The following TBC1D1 variants were observed in gnomAD, a reference collection of about 807,000 sequenced individuals.
TBC1D1 encodes TBC1 domain family member 1.
Under a neutral mutation model 125.6 loss-of-function variants are expected in TBC1D1, and 89 were observed. The ratio of observed to expected loss-of-function variants is 0.71; its 90% confidence interval spans 0.60 to 0.85. TBC1D1 has a LOEUF of 0.85. TBC1D1 is among the 40% of genes least tolerant of loss of function. TBC1D1 has a pLI of 0.00. For missense variants in TBC1D1, 1,377 were observed against 1,469.2 expected, an observed-to-expected ratio of 0.94 and a Z score of 1.03; for synonymous variants, 565 against 564.1, an observed-to-expected ratio of 1.00 and a Z score of -0.02.
intron 12 of TBC1D1, among the ~76,000 whole-genome samples, chr4:38,056,656 A>G (rs1751764959): frequency 6.6e-6 from 1 of 152,036 alleles, no homozygotes. Flanking sequence ...AAAAAAATAA[A>G]AATTAGCTGA....
chr4:37,957,940 A>G (rs1729232352), intron 2 of TBC1D1, among the ~76,000 whole-genome samples: 1 of 152,214 alleles, frequency 6.6e-6, no homozygotes, highest in Non-Finnish European at 1.5e-5. Context: ...AAAATACCAG[A>G]TAAAATTATC....
chr4:38,033,336 A>C (rs753184392), intron 7 of TBC1D1, among the ~76,000 whole-genome samples: 7 of 152,112 alleles, frequency 4.6e-5, no homozygotes, highest in Non-Finnish European at 1.0e-4. Context: ...GTACCTGCTC[A>C]GAGGCCTCAT....
chr4:37,994,292 T>G (rs1008902806), intron 2 of TBC1D1, among the ~76,000 whole-genome samples: 13 of 152,308 alleles, frequency 8.5e-5, no homozygotes, highest in African/African-American at 3.1e-4. Context: ...CTTACTTTGT[T>G]TTTTTGTTTG....
intron 12 of TBC1D1, among the ~76,000 whole-genome samples, chr4:38,075,400 T>C (rs1755416353): frequency 1.3e-5 from 2 of 152,186 alleles, no homozygotes; most frequent in African/African-American, 2.4e-5. Flanking sequence ...ACTTCCCAAG[T>C]TGATTTCTTT....
chr4:38,051,258 C>T (rs1415825060), intron 11 of TBC1D1, among the ~76,000 whole-genome samples: 1 of 152,172 alleles, frequency 6.6e-6, no homozygotes, highest in Non-Finnish European at 1.5e-5. Flanking sequence ...GAGGAGATGC[C>T]TGTCTGTCTG....
At chr4:38,052,054 C>G in intron 11 of TBC1D1, 1 of 1,550,952 alleles carries the variant, frequency 6.4e-7, no homozygotes. Context: ...AATGCTGTGC[C>G]AAAGAGGTGA....
At chr4:37,920,265 T>C (rs1050618385) in intron 2 of TBC1D1, among the ~76,000 whole-genome samples, 1 of 152,130 alleles carries the variant, frequency 6.6e-6, no homozygotes, top group East Asian at 1.9e-4. Context: ...TGAAGGACAG[T>C]CATAGACAGG....
intron 12 of TBC1D1, among the ~76,000 whole-genome samples, chr4:38,087,505 A>T (rs1450452838): frequency 6.6e-6 from 1 of 152,160 alleles, no homozygotes. Context: ...TAGAAGAAGG[A>T]GTTTAGGTGA....
At chr4:38,111,792 A>G in intron 15 of TBC1D1, 1 of 287,890 alleles carries the variant, frequency 3.5e-6, no homozygotes, top group Non-Finnish European at 5.2e-6. Context: ...AAATAGGAAA[A>G]CAGTGTCTCC....
intron 12 of TBC1D1, among the ~76,000 whole-genome samples, chr4:38,061,375 A>T (rs1426733320): frequency 2.6e-5 from 4 of 152,236 alleles, no homozygotes; most frequent in Non-Finnish European, 5.9e-5. Flanking sequence ...TGTATTATGC[A>T]AAAGATAATC....
chr4:38,035,065 A>T (rs1450855521), intron 7 of TBC1D1, among the ~76,000 whole-genome samples: 1 of 151,028 alleles, frequency 6.6e-6, no homozygotes, highest in African/African-American at 2.4e-5. Context: ...CATAGAGAGA[A>T]TTTTTTTTTT....
intron 2 of TBC1D1, among the ~76,000 whole-genome samples, chr4:37,933,705 A>G (rs1723794298): frequency 6.6e-6 from 1 of 152,238 alleles, no homozygotes; most frequent in African/African-American, 2.4e-5. Flanking sequence ...AATGTTTAAC[A>G]GTGATTCAAC....
intron 18 of TBC1D1, among the ~76,000 whole-genome samples, chr4:38,127,124 C>T (rs1482240708): frequency 1.3e-5 from 2 of 151,916 alleles, no homozygotes; most frequent in Non-Finnish European, 2.9e-5. Flanking sequence ...CACCTTGCTC[C>T]TGTCCCTCAG....
chr4:38,048,456 T>C (rs1270473103), intron 10 of TBC1D1, among the ~76,000 whole-genome samples: 1 of 152,098 alleles, frequency 6.6e-6, no homozygotes, highest in African/African-American at 2.4e-5. Context: ...ATGAAAGTAA[T>C]CAATATTTCA....
At chr4:37,988,679 C>G (rs932274395) in intron 2 of TBC1D1, among the ~76,000 whole-genome samples, 1 of 152,090 alleles carries the variant, frequency 6.6e-6, no homozygotes, top group Non-Finnish European at 1.5e-5. Flanking sequence ...TTTCCCAAAG[C>G]CACAGCTAAG....
intron 10 of TBC1D1, among the ~76,000 whole-genome samples, chr4:38,047,644 C>T (rs977415787): frequency 6.6e-6 from 1 of 151,976 alleles, no homozygotes; most frequent in Non-Finnish European, 1.5e-5. Flanking sequence ...CAGAAACAGC[C>T]CCAGCATCAA....
intron 12 of TBC1D1, among the ~76,000 whole-genome samples, chr4:38,062,254 G>A (rs1752901044): frequency 6.6e-6 from 1 of 151,848 alleles, no homozygotes; most frequent in African/African-American, 2.4e-5. Flanking sequence ...TTCCAATCCC[G>A]GAAAAGTGTG....
intron 2 of TBC1D1, among the ~76,000 whole-genome samples, chr4:38,006,629 C>T (rs1031201718): frequency 1.3e-5 from 2 of 151,998 alleles, no homozygotes; most frequent in East Asian, 1.9e-4. Flanking sequence ...CAGGCATGTG[C>T]CACCACGCCC....
intron 2 of TBC1D1, among the ~76,000 whole-genome samples, chr4:38,007,383 G>A (rs1740529794): frequency 6.6e-6 from 1 of 152,028 alleles, no homozygotes; most frequent in African/African-American, 2.4e-5. Flanking sequence ...CTCCCAAGTA[G>A]CTGGGACTAC....
Sources: gnomAD v4.1 joint callset for allele counts (sites outside exome capture counted in the v4.1 genomes callset) on GRCh38, gnomAD v4.1.1 for gene constraint, MANE v1.5 for transcripts, NCBI Gene and HGNC (gene_info 2026-07-23, HGNC 2026-07-21) for gene names.